The following PDE3A variants were observed in gnomAD, a reference collection of about 807,000 sequenced individuals.
PDE3A encodes the protein cGMP-inhibited 3',5'-cyclic phosphodiesterase 3A.
PDE3A carries 43 observed loss-of-function variants against 98.3 expected under a neutral mutation model. The ratio of observed to expected loss-of-function variants is 0.44; its 90% CI spans 0.34 to 0.56. PDE3A has a LOEUF of 0.56. Among genes scored for constraint, PDE3A ranks in the 20% least tolerant of loss-of-function variants. The pLI is 0.01. For missense variants in PDE3A, 1,427 were observed against 1,440.7 expected (o/e 0.99, Z 0.15); for synonymous variants, 663 against 567.9 (o/e 1.17, Z -2.38).
At chr12:20,596,461 A>G (rs1000618448) in intron 2 of PDE3A, among the ~76,000 whole-genome samples, 3 of 152,222 alleles carry the variant, frequency 2.0e-5, no homozygotes, top group Admixed American at 6.5e-5. Flanking sequence ...TAATAAGATT[A>G]CAACTGAAAC....
chr12:20,454,947 C>G (rs1167097260), intron 1 of PDE3A, among the ~76,000 whole-genome samples: 1 of 152,144 alleles, frequency 6.6e-6, no homozygotes, highest in Admixed American at 6.5e-5. Flanking sequence ...GTGCATTTGT[C>G]TTTATGACAG....
At chr12:20,666,906 G>A (rs1945328820) in intron 15 of PDE3A, among the ~76,000 whole-genome samples, 2 of 152,146 alleles carry the variant, frequency 1.3e-5, no homozygotes, top group Non-Finnish European at 2.9e-5. Flanking sequence ...AGTGTTATGA[G>A]TTCCCTTTTC....
intron 3 of PDE3A, among the ~76,000 whole-genome samples, chr12:20,615,370 A>C (rs1231488653): frequency 6.6e-6 from 1 of 152,172 alleles, no homozygotes; most frequent in Non-Finnish European, 1.5e-5. Flanking sequence ...TCCTATTAAG[A>C]GGAGTTGACA....
intron 1 of PDE3A, among the ~76,000 whole-genome samples, chr12:20,535,044 A>C (rs1434037878): frequency 6.6e-6 from 1 of 152,166 alleles, no homozygotes; most frequent in African/African-American, 2.4e-5. Context: ...TCTTCCCACA[A>C]ATTCTCCCAT....
chr12:20,499,921 A>T (rs567037073), intron 1 of PDE3A, among the ~76,000 whole-genome samples: 1 of 152,070 alleles, frequency 6.6e-6, no homozygotes. Context: ...TCCTACTATT[A>T]TTCTAATTTT....
At chr12:20,391,413 CATAT>C (rs564383160) in intron 1 of PDE3A, among the ~76,000 whole-genome samples, 4 of 143,196 alleles carry the variant, frequency 2.8e-5, no homozygotes, top group African/African-American at 7.6e-5. Context: ...ATGCATTATA[CATAT>C]ATATATATAT....
chr12:20,674,990 T>C (rs916405005), intron 15 of PDE3A, among the ~76,000 whole-genome samples: 1 of 152,042 alleles, frequency 6.6e-6, no homozygotes. Context: ...TGTGGCCTAG[T>C]TAGTTATTGC....
At chr12:20,432,173 T>G (rs1944709183) in intron 1 of PDE3A, among the ~76,000 whole-genome samples, 1 of 152,190 alleles carries the variant, frequency 6.6e-6, no homozygotes, top group African/African-American at 2.4e-5. Context: ...ATTTCCCAGT[T>G]TACCAGATAC....
At chr12:20,409,363 A>G (rs1025044013) in intron 1 of PDE3A, among the ~76,000 whole-genome samples, 4 of 152,094 alleles carry the variant, frequency 2.6e-5, no homozygotes, top group African/African-American at 9.7e-5. Context: ...AGAAAACTGT[A>G]TTTCTCAGAT....
chr12:20,609,270 A>G (rs1943789951), intron 2 of PDE3A, among the ~76,000 whole-genome samples: 1 of 152,046 alleles, frequency 6.6e-6, no homozygotes, highest in Non-Finnish European at 1.5e-5. Context: ...CATTTTTTAT[A>G]TACAAATAAG....
intron 15 of PDE3A, among the ~76,000 whole-genome samples, chr12:20,676,498 C>CTTTTTT (rs60887487): frequency 9.2e-6 from 1 of 109,216 alleles, no homozygotes; most frequent in East Asian, 2.6e-4. Flanking sequence ...ATGTCTTTGA[C>CTTTTTT]TTTTTTTTTT....
chr12:20,551,558 C>A, intron 1 of PDE3A: 6 of 1,455,062 alleles, frequency 4.1e-6, no homozygotes, highest in Admixed American at 4.3e-5. Context: ...ACTAGTTACG[C>A]GACCCCCGAG....
At chr12:20,418,374 A>T (rs1018516884) in intron 1 of PDE3A, among the ~76,000 whole-genome samples, 16 of 152,124 alleles carry the variant, frequency 1.1e-4, no homozygotes, top group Admixed American at 6.5e-5. Context: ...GACTGATTCC[A>T]TTGGTTCTGA....
chr12:20,486,685 G>A (rs930131434), intron 1 of PDE3A, among the ~76,000 whole-genome samples: 2 of 152,200 alleles, frequency 1.3e-5, no homozygotes, highest in Non-Finnish European at 2.9e-5. Flanking sequence ...CTGTGCTGGA[G>A]TGCAGTGGTG....
At chr12:20,624,162 A>G (rs1944204176) in intron 5 of PDE3A, among the ~76,000 whole-genome samples, 1 of 152,130 alleles carries the variant, frequency 6.6e-6, no homozygotes. Context: ...CTTTTGTCCT[A>G]ATGACTTCAT....
intron 1 of PDE3A, among the ~76,000 whole-genome samples, chr12:20,464,082 A>T (rs1413806106): frequency 1.3e-5 from 2 of 152,180 alleles, no homozygotes; most frequent in African/African-American, 2.4e-5. Flanking sequence ...TTAGGCTCAC[A>T]GTTCATTTTA....
At chr12:20,379,040 A>C (rs927201047) in intron 1 of PDE3A, among the ~76,000 whole-genome samples, 3 of 151,794 alleles carry the variant, frequency 2.0e-5, no homozygotes, top group African/African-American at 7.2e-5. Context: ...AAAATTTTCC[A>C]TCTTGTGAAG....
At chr12:20,602,203 G>C (rs1042632723) in intron 2 of PDE3A, among the ~76,000 whole-genome samples, 3 of 152,130 alleles carry the variant, frequency 2.0e-5, no homozygotes, top group African/African-American at 7.2e-5. Context: ...CTCATTGCCT[G>C]AATTTATTAT....
chr12:20,454,255 T>G (rs1032679601), intron 1 of PDE3A, among the ~76,000 whole-genome samples: 23 of 152,222 alleles, frequency 1.5e-4, no homozygotes, highest in African/African-American at 5.1e-4. Flanking sequence ...TTTTTTCCAG[T>G]GTACACATAG....
Sources: gnomAD v4.1 joint callset for allele counts (sites outside exome capture counted in the v4.1 genomes callset) on GRCh38, gnomAD v4.1.1 for gene constraint, MANE v1.5 for transcripts, NCBI Gene and HGNC (gene_info 2026-07-23, HGNC 2026-07-21) for gene names.